SPAG16: variants seen among roughly 807,000 people sequenced by gnomAD.
SPAG16 encodes the protein sperm associated antigen 16, also known as sperm-associated antigen 16 protein.
In SPAG16, 86 loss-of-function variants were observed where a neutral mutation model predicts 80.4. That is an observed-to-expected ratio of 1.07 (90% CI 0.90 to 1.28). The LOEUF (loss-of-function observed/expected upper bound fraction) is 1.28. Among genes scored for constraint, SPAG16 ranks in the 50% most tolerant of loss-of-function variants. The pLI, the probability that SPAG16 is intolerant of heterozygous loss-of-function variation, is 0.00. For missense variants in SPAG16, 870 were observed against 765.3 expected (o/e 1.14, Z -1.61); for synonymous variants, 294 against 265.9 (o/e 1.11, Z -1.03).
chr2:213,565,989 A>T (rs1054078457), intron 10 of SPAG16, among the ~76,000 whole-genome samples: 3 of 152,188 alleles, frequency 2.0e-5, no homozygotes, highest in Non-Finnish European at 4.4e-5. Flanking sequence ...AAAGCAGGAG[A>T]GGATTCATTA....
chr2:214,340,750 G>A (rs983634151), intron 15 of SPAG16, among the ~76,000 whole-genome samples: 13 of 152,144 alleles, frequency 8.5e-5, no homozygotes, highest in African/African-American at 2.7e-4. Flanking sequence ...CTGTAATTAA[G>A]GTGCTGGCTG....
At chr2:213,875,690 T>C (rs1296934924) in intron 11 of SPAG16, among the ~76,000 whole-genome samples, 2 of 152,176 alleles carry the variant, frequency 1.3e-5, no homozygotes, top group South Asian at 4.1e-4. Flanking sequence ...ATCTGAATAC[T>C]AAATACAGAT....
intron 15 of SPAG16, among the ~76,000 whole-genome samples, chr2:214,168,298 T>C (rs2056742697): frequency 6.6e-6 from 1 of 152,116 alleles, no homozygotes; most frequent in Admixed American, 6.6e-5. Flanking sequence ...AGACAGTTCC[T>C]TAATTTTTCT....
At chr2:213,600,908 C>T (rs2061038497) in intron 10 of SPAG16, among the ~76,000 whole-genome samples, 1 of 152,138 alleles carries the variant, frequency 6.6e-6, no homozygotes, top group Admixed American at 6.6e-5. Context: ...TGAGAAATGA[C>T]ATACAAATTT....
chr2:213,684,232 A>C (rs2064544778), intron 10 of SPAG16, among the ~76,000 whole-genome samples: 2 of 152,208 alleles, frequency 1.3e-5, no homozygotes, highest in South Asian at 4.1e-4. Context: ...CTCACAAAAA[A>C]CGTGTGACTA....
At chr2:213,954,143 T>TA (rs1266142860) in intron 12 of SPAG16, among the ~76,000 whole-genome samples, 1 of 151,412 alleles carries the variant, frequency 6.6e-6, no homozygotes, top group Non-Finnish European at 1.5e-5. Flanking sequence ...ACTCCTATTT[T>TA]TTTTTTTTTT....
At chr2:214,341,441 T>G (rs1197976348) in intron 15 of SPAG16, among the ~76,000 whole-genome samples, 1 of 152,122 alleles carries the variant, frequency 6.6e-6, no homozygotes. Flanking sequence ...AATAAGAGAC[T>G]CACAGATAGA....
intron 15 of SPAG16, among the ~76,000 whole-genome samples, chr2:214,397,425 T>G (rs1235388674): frequency 6.6e-6 from 1 of 152,208 alleles, no homozygotes; most frequent in Non-Finnish European, 1.5e-5. Context: ...CCCAAAGTGC[T>G]GGGATTACAG....
intron 9 of SPAG16, 39 bp downstream of exon 9, chr2:213,375,158 A>T (rs766309697): frequency 1.5e-6 from 2 of 1,371,674 alleles, no homozygotes; most frequent in Non-Finnish European, 2.0e-6. Flanking sequence ...GTCATACTTA[A>T]CTCTCAGATC....
chr2:213,518,593 C>T (rs2075536420), intron 10 of SPAG16, among the ~76,000 whole-genome samples: 1 of 152,246 alleles, frequency 6.6e-6, no homozygotes, highest in South Asian at 2.1e-4. Flanking sequence ...ACAACAGATG[C>T]TGGTGAGGCT....
chr2:213,873,758 G>C (rs1344742167), intron 11 of SPAG16, among the ~76,000 whole-genome samples: 4 of 151,816 alleles, frequency 2.6e-5, no homozygotes, highest in South Asian at 2.1e-4. Flanking sequence ...CTATTTTAAA[G>C]TGTGCTGTTC....
At chr2:213,621,169 A>T (rs561982024) in intron 10 of SPAG16, among the ~76,000 whole-genome samples, 5 of 152,180 alleles carry the variant, frequency 3.3e-5, no homozygotes, top group Admixed American at 2.0e-4. Context: ...AGAAAAAAGA[A>T]CTTAGATTTT....
intron 10 of SPAG16, among the ~76,000 whole-genome samples, chr2:213,605,081 A>G (rs1415519410): frequency 2.0e-5 from 3 of 151,536 alleles, no homozygotes; most frequent in Non-Finnish European, 2.9e-5. Context: ...TGATTGATTG[A>G]TTTGTGGAAT....
intron 15 of SPAG16, among the ~76,000 whole-genome samples, chr2:214,203,664 T>C (rs2058069268): frequency 6.6e-6 from 1 of 152,148 alleles, no homozygotes; most frequent in Non-Finnish European, 1.5e-5. Flanking sequence ...GGAAGAGCCC[T>C]GTGGACACTC....
chr2:213,830,658 G>A (rs182977081), intron 10 of SPAG16, among the ~76,000 whole-genome samples: 16 of 152,120 alleles, frequency 1.1e-4, no homozygotes, highest in Admixed American at 1.0e-3. Flanking sequence ...AAAATTATGA[G>A]TTAATTTTTG....
At position 214,010,737 on chromosome 2, in the gene SPAG16, T is replaced by C. The variant is rs774723132; in HGVS notation, c.1401-3214T>C. ...AAAGTATGGATGCAGAGGATTAATT[T>C]AAACATATATTAAACACTAGGAAGA... On this transcript the variant is annotated intron_variant, in intron 12 of 15. Coordinates refer to ENST00000331683, the MANE Select transcript of SPAG16 (RefSeq NM_024532.5). Among the ~76,000 whole-genome samples the C allele has an allele frequency of 5.1e-4, 75 of 146,466 alleles. 4 individuals carry two copies. Among genetic ancestry groups the C allele is most frequent in the Non-Finnish European group, 9.9e-4 (67 of 67,346 alleles).
At chr2:214,102,726 C>T (rs892365433) in intron 13 of SPAG16, among the ~76,000 whole-genome samples, 2 of 152,040 alleles carry the variant, frequency 1.3e-5, no homozygotes, top group African/African-American at 4.8e-5. Flanking sequence ...CAAATTCAGC[C>T]TTTGCCTGCT....
At chr2:213,713,320 G>A (rs770707383) in intron 10 of SPAG16, among the ~76,000 whole-genome samples, 6 of 152,188 alleles carry the variant, frequency 3.9e-5, no homozygotes, top group Non-Finnish European at 7.3e-5. Flanking sequence ...GGATATGGTT[G>A]CCACACAAGA....
chr2:213,828,181 G>C (rs1377848100), intron 10 of SPAG16, among the ~76,000 whole-genome samples: 1 of 151,868 alleles, frequency 6.6e-6, no homozygotes, highest in Non-Finnish European at 1.5e-5. Context: ...CTATTTTCTA[G>C]GTCTTGTAGG....
Sources: gnomAD v4.1 joint callset for allele counts (sites outside exome capture counted in the v4.1 genomes callset) on GRCh38, gnomAD v4.1.1 for gene constraint, MANE v1.5 for transcripts, NCBI Gene and HGNC (gene_info 2026-07-23, HGNC 2026-07-21) for gene names.